Variants in MCF2L observed in about 807,000 individuals in gnomAD.
MCF2L encodes MCF.2 cell line derived transforming sequence like.
Under a neutral mutation model 153.4 loss-of-function variants are expected in MCF2L, and 97 were observed. That is an observed-to-expected ratio of 0.63 (90% CI 0.54 to 0.75). The LOEUF (loss-of-function observed/expected upper bound fraction) is 0.75, where lower values mean the gene tolerates loss of function less well. MCF2L is among the 30% of genes least tolerant of loss of function. MCF2L has a pLI of 0.00. For synonymous variants in MCF2L, 659 were observed against 632.2 expected (o/e 1.04, Z -0.64); for missense variants, 1,347 against 1,495.2 (o/e 0.90, Z 1.64).
rs1477140261 is a variant in MCF2L at position 112,941,886 on chromosome 13, T to A, written c.169+39515T>A. ...ACTGAGGGGACATAGTGAGAAGTGA[T>A]CAGAAGACAAGAGTGCGAGCCTTCT... On this transcript the variant is annotated intron_variant, in intron 2 of 29. Coordinates refer to the MCF2L transcript ENST00000375608. The surrounding 1 kb of genome is among the most constrained non-coding windows in gnomAD (Gnocchi z 4.9). Among the ~76,000 whole-genome samples, 1 of 152,110 alleles carries A rather than the reference T, an allele frequency of 6.6e-6. No homozygotes were observed. The highest frequency in any genetic ancestry group is 1.5e-5 in the Non-Finnish European group (1 of 68,026).
At chr13:112,955,526 A>G (rs936428913) in intron 2 of MCF2L, among the ~76,000 whole-genome samples, 1 of 152,174 alleles carries the variant, frequency 6.6e-6, no homozygotes, top group African/African-American at 2.4e-5. Context: ...GAAATAACCC[A>G]CAAGGTGGGG....
chr13:113,045,044 A>G lies in MCF2L; in HGVS notation c.279-227A>G. Reference sequence around the variant, plus strand: ...CGAGGTGGTTGGTGTTAGGCTGAGAAATAAGAACACACCAAAAGTGCCTGC... The same window carrying G: ...CGAGGTGGTTGGTGTTAGGCTGAGAGATAAGAACACACCAAAAGTGCCTGC... On this transcript the variant is annotated intron_variant, in intron 3 of 29. Coordinates refer to ENST00000535094, the MANE Select transcript of MCF2L (RefSeq NM_001112732.3). The surrounding 1 kb of genome is among the most constrained non-coding windows in gnomAD (Gnocchi z 4.2). 9.0e-7 allele frequency: 1 copy of G among 1,106,532 alleles called. No homozygotes were observed. Among genetic ancestry groups the G allele is most frequent in the Non-Finnish European group, 1.3e-6 (1 of 767,736 alleles). The allele number at this position is 1,106,532 out of a possible 1,614,324, so 68.5% of individuals were successfully genotyped here. A position where few individuals can be genotyped will look rare whatever the true frequency, so the allele number is the denominator to read the frequency against.
intron 2 of MCF2L, among the ~76,000 whole-genome samples, chr13:113,023,894 G>C (rs114200609): frequency 2.0e-5 from 3 of 152,214 alleles, no homozygotes; most frequent in South Asian, 4.1e-4. Context: ...ATGCAGGGTC[G>C]TGGGACCACC....
chr13:112,993,126 G>A lies in MCF2L; in HGVS notation c.80-21637G>A, dbSNP rs376562755. ...GCCAGAGATTACCACGCGCTGCCGC[G>A]GAGGGAGAGGTAGCGCGGGGCATGG... On this transcript the variant is annotated intron_variant, in intron 1 of 29. Coordinates refer to ENST00000535094, the MANE Select transcript of MCF2L (RefSeq NM_001112732.3). The surrounding 1 kb of genome is among the most constrained non-coding windows in gnomAD (Gnocchi z 4.6). Among the ~76,000 whole-genome samples the A allele has an allele frequency of 1.8e-4, 28 of 152,382 alleles. No homozygotes were observed. Among genetic ancestry groups the A allele is most frequent in the African/African-American group, 6.5e-4 (27 of 41,584 alleles).
intron 3 of MCF2L, among the ~76,000 whole-genome samples, chr13:113,036,210 AG>A (rs984569148): frequency 3.3e-5 from 5 of 152,216 alleles, no homozygotes; most frequent in Non-Finnish European, 5.9e-5. Context: ...AAGCTCACAG[AG>A]GAGTCTTTGG....
At chr13:112,920,494 A>G (rs1180023727) in intron 2 of MCF2L, among the ~76,000 whole-genome samples, 1 of 152,082 alleles carries the variant, frequency 6.6e-6, no homozygotes, top group Non-Finnish European at 1.5e-5. Flanking sequence ...ACTAGAATTT[A>G]CCATCTGTTG....
chr13:113,014,737 A>C (rs758016654), intron 1 of MCF2L, 26 bp from the exon 2 acceptor site: 1 of 1,606,228 alleles, frequency 6.2e-7, no homozygotes, highest in South Asian at 1.1e-5. Flanking sequence ...TGGGACTGAC[A>C]CGTGCCGTCT....
In MCF2L at chr13:113,033,650, C is replaced by T. The variant is rs183865557; in HGVS notation, c.278+8892C>T. On this transcript the variant is annotated intron_variant, in intron 3 of 29. Coordinates refer to ENST00000535094, the MANE Select transcript of MCF2L (RefSeq NM_001112732.3). ...GGGTGATTTCCCCCCCCCACCCCAA[C>T]GGAGTTGGCAGTTTCAGGGCTACCC... 1.9e-4 allele frequency among the ~76,000 whole-genome samples: 29 copies of T among 152,216 alleles called. No individual in the cohort carries two copies. The East Asian group carries it at 2.5e-3, about 13-fold the overall frequency.
rs529369606 is a variant in MCF2L at position 113,094,794 on chromosome 13, A to T, written c.3075+159A>T. The T allele has an allele frequency of 7.2e-4, 760 of 1,054,682 alleles. 3 individuals carry two copies. The African/African-American group carries it at 0.011, about 15-fold the overall frequency. The allele number at this position is 1,054,682 out of a possible 1,614,324, so 65.3% of individuals were successfully genotyped here. ...GGGCCTGGGTCTTACGGGCAGTGCC[A>T]GCTCCTCCTAACTCTCTCTGGAAGG... is the stretch of plus-strand genomic sequence containing the variant. On this transcript the variant is annotated intron_variant, in intron 27 of 29. Transcript: ENST00000535094.
chr13:113,088,142 G>A (rs553278655), intron 23 of MCF2L, among the ~76,000 whole-genome samples, 185 bp from the exon 24 acceptor site: 27 of 152,332 alleles, frequency 1.8e-4, no homozygotes, highest in African/African-American at 2.2e-4. Context: ...AGTCAGTCCC[G>A]TGCATGGGGC....
rs1310601913 is a variant in MCF2L, at chr13:113,056,778, TGTTTTGGC to T, written c.370-3814_370-3807del. On this transcript the variant is annotated intron_variant, in intron 4 of 29. Coordinates refer to ENST00000535094, the MANE Select transcript of MCF2L (RefSeq NM_001112732.3). ...GGGTGCTGTGTGTTTGGGTGCTGAG[TGTTTTGGC>T]ACTGAGTGTTTGGGTGCTGTGTGTT... Among the ~76,000 whole-genome samples the T allele has an allele frequency of 3.2e-3, 449 of 141,968 alleles. 5 individuals are homozygous for T. The highest frequency in any genetic ancestry group is 0.011 in the African/African-American group (398 of 35,360). 93.1% of individuals were successfully genotyped at this position (141,968 alleles called of 152,430 possible).
chr13:113,032,231 C>G (rs1473970878), intron 3 of MCF2L, among the ~76,000 whole-genome samples: 1 of 152,212 alleles, frequency 6.6e-6, no homozygotes, highest in Non-Finnish European at 1.5e-5. Flanking sequence ...AGCTGGACCC[C>G]AGCCCTTGGA....
chr13:113,034,822 C>A (rs1028242040), intron 3 of MCF2L, among the ~76,000 whole-genome samples: 5 of 152,190 alleles, frequency 3.3e-5, no homozygotes, highest in Non-Finnish European at 5.9e-5. Flanking sequence ...GAGTGACAGT[C>A]CCCGGAGGTT....
In MCF2L at chr13:113,031,435, C is replaced by T. The variant is rs1407999744; in HGVS notation, c.278+6677C>T. On this transcript the variant is annotated intron_variant, in intron 3 of 29. Transcript: ENST00000535094. This position sits in a 1 kb window ranked among gnomAD's most constrained non-coding sequence, Gnocchi z 5.5. Reference sequence around the variant, plus strand: ...TGGGGGCAGCGAACGCACCAGGGGGCAGGACAGAGTGCCGGGGAGTCGGGG... The same window carrying T: ...TGGGGGCAGCGAACGCACCAGGGGGTAGGACAGAGTGCCGGGGAGTCGGGG... 6.6e-6 allele frequency among the ~76,000 whole-genome samples: 1 copy of T among 152,056 alleles called. No homozygotes were observed. The highest frequency in any genetic ancestry group is 1.5e-5 in the Non-Finnish European group (1 of 68,000).
chr13:112,984,975 C>G (rs2082576631), intron 1 of MCF2L: 1 of 170,068 alleles, frequency 5.9e-6, no homozygotes, highest in Non-Finnish European at 1.3e-5. Flanking sequence ...GCTCAGCCTC[C>G]CCAGGAATAT....
chr13:113,033,309 G>T (rs1416289916), intron 3 of MCF2L, among the ~76,000 whole-genome samples: 1 of 103,882 alleles, frequency 9.6e-6, no homozygotes, highest in African/African-American at 4.1e-5. Flanking sequence ...CCCGTGGCGT[G>T]AGTGGCCCCT....
intron 2 of MCF2L, among the ~76,000 whole-genome samples, chr13:112,953,801 A>C (rs181343328): frequency 6.6e-6 from 1 of 152,320 alleles, no homozygotes; most frequent in East Asian, 1.9e-4. Context: ...CCCCAGCCTG[A>C]CAGGAGCGTT....
intron 3 of MCF2L, among the ~76,000 whole-genome samples, chr13:113,025,148 C>T (rs1594720693): frequency 1.2e-5 from 1 of 83,570 alleles, no homozygotes; most frequent in Non-Finnish European, 2.4e-5. Context: ...ATTTCCCCAT[C>T]ATGCGGTCCC....
In MCF2L at chr13:113,058,990, C is replaced by G. The variant is rs908823225; in HGVS notation, c.370-1603C>G. Reference sequence around the variant, plus strand: ...AGCGCTGTTTGGGTGCTGAGTGTTTCAGTGCCATTTGGGTGCTGAGTGGGT... The same window carrying G: ...AGCGCTGTTTGGGTGCTGAGTGTTTGAGTGCCATTTGGGTGCTGAGTGGGT... On this transcript the variant is annotated intron_variant, in intron 4 of 29. Coordinates refer to ENST00000535094, the MANE Select transcript of MCF2L (RefSeq NM_001112732.3). Among the ~76,000 whole-genome samples, 529 of 69,390 alleles carry G rather than the reference C, an allele frequency of 7.6e-3. 4 individuals carry two copies. The highest frequency in any genetic ancestry group is 0.028 in the African/African-American group (500 of 17,812). The allele number at this position is 69,390 out of a possible 152,430, so 45.5% of individuals were successfully genotyped here. A position where few individuals can be genotyped will look rare whatever the true frequency, so the allele number is the denominator to read the frequency against.
Sources: gnomAD v4.1 joint callset for allele counts (sites outside exome capture counted in the v4.1 genomes callset) on GRCh38, gnomAD v4.1.1 for gene constraint, Gnocchi (gnomAD v3.1) non-coding constraint, MANE v1.5 for transcripts, NCBI Gene and HGNC (gene_info 2026-07-23, HGNC 2026-07-21) for gene names.